ATP6V0A4: variants seen among roughly 807,000 people sequenced by gnomAD.
ATP6V0A4 encodes the protein ATPase H+ transporting V0 subunit a4.
In ATP6V0A4, 86 loss-of-function variants were observed where a neutral mutation model predicts 107.3. The observed-to-expected ratio is 0.80, with a 90% confidence interval of 0.67 to 0.96. The LOEUF is 0.96. Ranked by LOEUF, ATP6V0A4 falls within the 40% of genes least tolerant of loss-of-function variation. ATP6V0A4 has a pLI of 0.00. For missense variants in ATP6V0A4, 908 were observed against 1,045.6 expected (o/e 0.87, Z 1.81); for synonymous variants, 353 against 381.4 (o/e 0.93, Z 0.87).
chr7:138,773,652 G>C lies in ATP6V0A4; in HGVS notation c.-17-2388C>G, dbSNP rs894057241. 2.0e-5 allele frequency among the ~76,000 whole-genome samples: 3 copies of C among 152,180 alleles called. No homozygotes were observed. Among genetic ancestry groups the C allele is most frequent in the African/African-American group, 7.2e-5 (3 of 41,446 alleles). ...ACCAGAGGATAAACATCATCCCTCA[G>C]GAAGTGCACATGGTCTGGGCCCACA... On this transcript the variant is annotated intron_variant, in intron 2 of 21. Coordinates refer to ENST00000310018, the MANE Select transcript of ATP6V0A4 (RefSeq NM_020632.3). This position sits in a 1 kb window ranked among gnomAD's most constrained non-coding sequence, Gnocchi z 5.4.
At chr7:138,771,287 T>A (rs758535513) in intron 2 of ATP6V0A4, 23 bp from the exon 3 acceptor site, 1 of 1,610,136 alleles carries the variant, frequency 6.2e-7, no homozygotes, top group South Asian at 1.1e-5. Context: ...AAGAAAAAGA[T>A]ATTAATATTT....
chr7:138,747,616 C>A (rs139209868), intron 12 of ATP6V0A4, 52 bp from the exon 13 acceptor site: 1 of 1,602,872 alleles, frequency 6.2e-7, no homozygotes, highest in African/African-American at 1.3e-5. Context: ...CCTCGGGGCC[C>A]CCACCTCAGA....
At chr7:138,765,900 C>A (rs1028590337) in intron 5 of ATP6V0A4, among the ~76,000 whole-genome samples, 23 of 152,120 alleles carry the variant, frequency 1.5e-4, no homozygotes, top group African/African-American at 5.3e-4. Context: ...CAGGTGCACA[C>A]CACCACACCC....
chr7:138,746,724 G>A lies in ATP6V0A4; in HGVS notation c.1320+701C>T, dbSNP rs912960723. Among the ~76,000 whole-genome samples, 9 of 152,154 alleles carry A rather than the reference G, an allele frequency of 5.9e-5. No homozygotes were observed. The East Asian group carries it at 7.7e-4, about 13-fold the overall frequency. On this transcript the variant is annotated intron_variant, in intron 13 of 21. Coordinates refer to ENST00000310018, the MANE Select transcript of ATP6V0A4 (RefSeq NM_020632.3). ...TCACCATGTTGGCCACGTTGGCCTC[G>A]AACCCCTGATCTCAAATGACCCACC...
chr7:138,795,823 T>C (rs1352340196), intron 1 of ATP6V0A4, among the ~76,000 whole-genome samples: 1 of 151,966 alleles, frequency 6.6e-6, no homozygotes, highest in African/African-American at 2.4e-5. Context: ...TTGTGTTTTT[T>C]TTTGTTTGTT....
At chr7:138,741,809 C>A (rs1230048693) in intron 14 of ATP6V0A4, among the ~76,000 whole-genome samples, 1 of 152,216 alleles carries the variant, frequency 6.6e-6, no homozygotes, top group African/African-American at 2.4e-5. Context: ...ATCAAGGAAG[C>A]AGGTCCAAGA....
Position 138,759,774 on chromosome 7 carries a change from G to T in ATP6V0A4, c.617C>A (p.Ala206Asp). The change falls in exon 8 of 22, where the codon GCC becomes GAC. Residue 206 changes from alanine to aspartate, a missense_variant. Transcript: ENST00000310018. ...CACCGTCACAGGATCCTCCAGAGGGGCGTCCATCTCACTGAACTTCAAGTA... is the reference window on the plus strand; with the variant it reads ...CACCGTCACAGGATCCTCCAGAGGGTCGTCCATCTCACTGAACTTCAAGTA... ...NVYLKFSEMD[A>D]PLEDPVTKEE... 1 of 1,614,124 alleles carries T rather than the reference G, an allele frequency of 6.2e-7. No homozygotes were observed. The highest frequency in any genetic ancestry group is 8.5e-7 in the Non-Finnish European group (1 of 1,180,024).
intron 14 of ATP6V0A4, among the ~76,000 whole-genome samples, chr7:138,742,873 C>T (rs532914247): frequency 6.4e-5 from 8 of 125,408 alleles, no homozygotes; most frequent in Non-Finnish European, 1.3e-4. Flanking sequence ...TTCTTTTGGG[C>T]ATCTCTTTAG....
intron 5 of ATP6V0A4, among the ~76,000 whole-genome samples, chr7:138,763,380 C>T (rs1307965591): frequency 2.0e-5 from 3 of 152,186 alleles, no homozygotes; most frequent in Admixed American, 6.5e-5. Context: ...GTAATCCCAG[C>T]ACTTTGGGAG....
rs566336992 is a variant in ATP6V0A4, at chr7:138,745,658, C to CAAAAAAAAAAAAAAA, written c.1321-379_1321-378insTTTTTTTTTTTTTTT. On this transcript the variant is annotated intron_variant, in intron 13 of 21. Coordinates refer to ENST00000310018, the MANE Select transcript of ATP6V0A4 (RefSeq NM_020632.3). ...CACCACTGCGCTCCAGCCTGTGTCT[C>CAAAAAAAAAAAAAAA]AAAAAAAAAAAAAGGCCGGGTGTGA... Among the ~76,000 whole-genome samples the CAAAAAAAAAAAAAAA allele has an allele frequency of 2.6e-3, 109 of 42,684 alleles. 15 individuals carry two copies. The highest frequency in any genetic ancestry group is 4.3e-3 in the African/African-American group (44 of 10,230). The allele number at this position is 42,684 out of a possible 152,430, so 28.0% of individuals were successfully genotyped here. A position where few individuals can be genotyped will look rare whatever the true frequency, so the allele number is the denominator to read the frequency against.
At chr7:138,777,472 T>A (rs888958107) in intron 2 of ATP6V0A4, among the ~76,000 whole-genome samples, 2 of 151,426 alleles carry the variant, frequency 1.3e-5, no homozygotes, top group African/African-American at 2.4e-5. Flanking sequence ...AAAAATTAGC[T>A]GGGCTTGGTG....
chr7:138,759,050 C>T (rs370696359), intron 8 of ATP6V0A4, among the ~76,000 whole-genome samples: 369 of 91,822 alleles, frequency 4.0e-3, no homozygotes, highest in African/African-American at 0.014. Flanking sequence ...CATGCCCAGC[C>T]TATTTTTTTT....
chr7:138,707,876 C>G (rs1171067495), intron 21 of ATP6V0A4, among the ~76,000 whole-genome samples: 1 of 151,724 alleles, frequency 6.6e-6, no homozygotes, highest in Non-Finnish European at 1.5e-5. Flanking sequence ...GACACCCTCA[C>G]TGTGCAGCAC....
chr7:138,722,217 G>A, intron 18 of ATP6V0A4, 192 bp from the exon 19 acceptor site: 1 of 524,470 alleles, frequency 1.9e-6, no homozygotes, highest in Non-Finnish European at 2.4e-6. Context: ...TTCTAGAGAA[G>A]TAAGCTGCAG....
chr7:138,779,143 C>G (rs929259841), intron 2 of ATP6V0A4, among the ~76,000 whole-genome samples: 1 of 152,048 alleles, frequency 6.6e-6, no homozygotes, highest in African/African-American at 2.4e-5. Flanking sequence ...GAGTTTCAGA[C>G]CAGCCTGGGC....
intron 2 of ATP6V0A4, among the ~76,000 whole-genome samples, chr7:138,783,007 G>T (rs909020371): frequency 6.6e-6 from 1 of 152,056 alleles, no homozygotes; most frequent in Non-Finnish European, 1.5e-5. Context: ...CCCGAGAGGC[G>T]GAGGTTGCAG....
intron 18 of ATP6V0A4, among the ~76,000 whole-genome samples, chr7:138,723,127 A>G (rs1804523413): frequency 1.3e-5 from 2 of 151,968 alleles, no homozygotes; most frequent in Non-Finnish European, 2.9e-5. Flanking sequence ...TGGCAGAGCC[A>G]TAATTCAAAC....
intron 19 of ATP6V0A4, 31 bp downstream of exon 19, chr7:138,721,866 A>C (rs776341449): frequency 6.2e-7 from 1 of 1,612,452 alleles, no homozygotes; most frequent in Non-Finnish European, 8.5e-7. Flanking sequence ...CAAACTGGGG[A>C]GTCTTCCTCA....
At chr7:138,763,144 G>A (rs375252055) in intron 5 of ATP6V0A4, 119 bp from the exon 6 acceptor site, 1 of 1,450,882 alleles carries the variant, frequency 6.9e-7, no homozygotes, top group African/African-American at 1.4e-5. Context: ...CATGATTGCA[G>A]ACCCTAATAC....
Sources: allele counts gnomAD v4.1 joint callset (sites outside exome capture counted in the v4.1 genomes callset), GRCh38; gene constraint gnomAD v4.1.1; non-coding constraint Gnocchi (gnomAD v3.1); transcripts MANE v1.5; gene names NCBI Gene and HGNC (gene_info 2026-07-23, HGNC 2026-07-21).